MARCHF1: variants seen among roughly 807,000 people sequenced by gnomAD.
MARCHF1 encodes the protein membrane associated ring-CH-type finger 1.
A neutral mutation model predicts 54.2 loss-of-function variants in MARCHF1; 40 were observed. The observed-to-expected ratio is 0.74, with a 90% CI of 0.57 to 0.96. The LOEUF is 0.96. MARCHF1 is among the 40% of genes least tolerant of loss of function. The pLI, the probability that MARCHF1 is intolerant of heterozygous loss-of-function variation, is 0.00. For synonymous variants in MARCHF1, 236 were observed against 236.3 expected, an observed-to-expected ratio of 1.00 and a Z score of 0.01; for missense variants, 586 against 656.5, an observed-to-expected ratio of 0.89 and a Z score of 1.17.
intron 1 of MARCHF1, among the ~76,000 whole-genome samples, chr4:164,295,115 T>C (rs1410574566): frequency 6.6e-6 from 1 of 152,024 alleles, no homozygotes; most frequent in Non-Finnish European, 1.5e-5. Flanking sequence ...ATGTGCTTTA[T>C]ACTAGGTTGA....
chr4:164,052,567 T>C (rs1295058109), intron 2 of MARCHF1, among the ~76,000 whole-genome samples: 1 of 151,986 alleles, frequency 6.6e-6, no homozygotes, highest in Admixed American at 6.6e-5. Flanking sequence ...AAAGAAAACA[T>C]AGTTTTGTTA....
chr4:163,852,695 C>G (rs1421796906), intron 4 of MARCHF1, among the ~76,000 whole-genome samples: 1 of 152,172 alleles, frequency 6.6e-6, no homozygotes, highest in Non-Finnish European at 1.5e-5. Flanking sequence ...ATCCTCACTT[C>G]TCTTTCTATG....
chr4:163,858,356 GT>G (rs1221061765), intron 3 of MARCHF1, among the ~76,000 whole-genome samples: 2 of 151,976 alleles, frequency 1.3e-5, no homozygotes, highest in African/African-American at 4.8e-5. Flanking sequence ...TTATCTCTCT[GT>G]CTCCTCAACT....
At chr4:163,716,813 A>G (rs962574240) in intron 4 of MARCHF1, among the ~76,000 whole-genome samples, 9 of 152,214 alleles carry the variant, frequency 5.9e-5, no homozygotes, top group African/African-American at 1.9e-4. Context: ...ACAAACTATT[A>G]CAAATCCAGA....
chr4:163,783,744 G>C (rs1022949554), intron 4 of MARCHF1, among the ~76,000 whole-genome samples: 3 of 152,190 alleles, frequency 2.0e-5, no homozygotes, highest in African/African-American at 7.2e-5. Flanking sequence ...TCACAGCTCT[G>C]TATTTTTGAA....
intron 1 of MARCHF1, among the ~76,000 whole-genome samples, chr4:164,165,193 G>A (rs892278959): frequency 6.6e-6 from 1 of 151,902 alleles, no homozygotes; most frequent in African/African-American, 2.4e-5. Context: ...CTATTGTTGT[G>A]GACTGAATAT....
intron 1 of MARCHF1, among the ~76,000 whole-genome samples, chr4:164,241,267 A>G (rs990235429): frequency 2.6e-5 from 4 of 151,812 alleles, no homozygotes; most frequent in Admixed American, 2.0e-4. Flanking sequence ...ATTTTCAAAA[A>G]CCCTAGCCTC....
intron 5 of MARCHF1, among the ~76,000 whole-genome samples, chr4:163,670,404 AT>A (rs1561009652): frequency 6.6e-6 from 1 of 151,826 alleles, no homozygotes; most frequent in Non-Finnish European, 1.5e-5. Flanking sequence ...CTATCTATCT[AT>A]CTATCTATCT....
rs146288678 is a variant in MARCHF1 at position 163,615,126 on chromosome 4, G to A, written c.163-1733C>T. On this transcript the variant is annotated intron_variant, in intron 5 of 9. Coordinates refer to ENST00000514618, the MANE Select transcript of MARCHF1 (RefSeq NM_001394959.1). ...TGCAGAGACTACTGGATCCCAGGAC[G>A]TGATGTATTCTGGTGGTGGCTCTGC... 3.5e-3 allele frequency among the ~76,000 whole-genome samples: 532 copies of A among 152,184 alleles called. 2 individuals carry two copies. The highest frequency in any genetic ancestry group is 0.014 in the Middle Eastern group (4 of 294).
intron 2 of MARCHF1, among the ~76,000 whole-genome samples, chr4:164,097,364 TAGTCAGTAAACC>T (rs549252755): frequency 1.3e-5 from 2 of 152,182 alleles, no homozygotes; most frequent in Non-Finnish European, 2.9e-5. Context: ...AAATTATGAC[TAGTCAGTAAACC>T]ACAATAGCAT....
At chr4:164,180,386 G>C (rs181939348) in intron 1 of MARCHF1, among the ~76,000 whole-genome samples, 9 of 152,100 alleles carry the variant, frequency 5.9e-5, no homozygotes, top group Admixed American at 2.0e-4. Flanking sequence ...AACCTTTCAA[G>C]AAGGTCAATT....
chr4:163,552,574 G>A (rs1739141331), intron 8 of MARCHF1, among the ~76,000 whole-genome samples: 2 of 152,194 alleles, frequency 1.3e-5, no homozygotes, highest in Non-Finnish European at 2.9e-5. Flanking sequence ...GGTAATGGGA[G>A]TCTTTTCTAA....
chr4:163,976,369 G>C (rs565610401), intron 3 of MARCHF1, among the ~76,000 whole-genome samples: 1 of 152,230 alleles, frequency 6.6e-6, no homozygotes, highest in Non-Finnish European at 1.5e-5. Context: ...GACAAAATGA[G>C]GTGATACTTT....
At chr4:163,761,045 T>A (rs1384726889) in intron 4 of MARCHF1, among the ~76,000 whole-genome samples, 1 of 152,312 alleles carries the variant, frequency 6.6e-6, no homozygotes, top group African/African-American at 2.4e-5. Flanking sequence ...GAGATAAACA[T>A]AAAATATGAC....
chr4:163,788,157 T>C (rs902183142), intron 4 of MARCHF1, among the ~76,000 whole-genome samples: 5 of 151,854 alleles, frequency 3.3e-5, no homozygotes, highest in African/African-American at 9.7e-5. Context: ...ACAAAGTAGA[T>C]ATACTTAATA....
chr4:164,189,035 T>G (rs1731053481), intron 1 of MARCHF1: 1 of 689,442 alleles, frequency 1.5e-6, no homozygotes, highest in African/African-American at 1.8e-5. Flanking sequence ...GGAGAAGACA[T>G]CCTGTTGTTC....
chr4:163,627,056 G>A (rs1010407986), intron 5 of MARCHF1, among the ~76,000 whole-genome samples: 2 of 152,182 alleles, frequency 1.3e-5, no homozygotes, highest in African/African-American at 4.8e-5. Flanking sequence ...ATGTACTTAT[G>A]AAATCTCAGG....
At chr4:164,292,634 T>A (rs1246083744) in intron 1 of MARCHF1, among the ~76,000 whole-genome samples, 1 of 152,174 alleles carries the variant, frequency 6.6e-6, no homozygotes, top group East Asian at 1.9e-4. Flanking sequence ...ATACATAGTG[T>A]CTCAACTACC....
chr4:164,023,199 C>T (rs972199988), intron 2 of MARCHF1, among the ~76,000 whole-genome samples: 1 of 152,190 alleles, frequency 6.6e-6, no homozygotes, highest in African/African-American at 2.4e-5. Flanking sequence ...TGTTCTGTCT[C>T]CTTGCTGAGA....
Sources: allele counts gnomAD v4.1 joint callset (sites outside exome capture counted in the v4.1 genomes callset), GRCh38; gene constraint gnomAD v4.1.1; transcripts MANE v1.5; gene names NCBI Gene and HGNC (gene_info 2026-07-23, HGNC 2026-07-21).